Variants in PPARGC1B observed in about 807,000 individuals in gnomAD.
PPARGC1B encodes PPARG coactivator 1 beta.
A neutral mutation model predicts 101.6 loss-of-function variants in PPARGC1B; 34 were observed. That is an observed-to-expected ratio of 0.33 (90% CI 0.25 to 0.45). The LOEUF (loss-of-function observed/expected upper bound fraction) is 0.45, where lower values mean the gene tolerates loss of function less well. Among genes scored for constraint, PPARGC1B ranks in the 20% least tolerant of loss-of-function variants. The pLI, the probability that PPARGC1B is intolerant of heterozygous loss-of-function variation, is 1.00. For missense variants in PPARGC1B, 1,234 were observed against 1,317.6 expected, an observed-to-expected ratio of 0.94 and a Z score of 0.98; for synonymous variants, 548 against 539.3, an observed-to-expected ratio of 1.02 and a Z score of -0.22.
intron 2 of PPARGC1B, among the ~76,000 whole-genome samples, chr5:149,822,769 GC>G (rs1758355116): frequency 6.6e-6 from 1 of 152,170 alleles, no homozygotes; most frequent in African/African-American, 2.4e-5. Context: ...ATCTCTGGGG[GC>G]CCTTGCACAT....
intron 1 of PPARGC1B, among the ~76,000 whole-genome samples, chr5:149,812,273 T>C (rs948100694): frequency 5.3e-5 from 8 of 152,348 alleles, no homozygotes; most frequent in African/African-American, 1.9e-4. Flanking sequence ...TGTCTACTTA[T>C]TTTGTCTGGA....
chr5:149,786,078 A>G (rs1239487419), intron 1 of PPARGC1B, among the ~76,000 whole-genome samples: 1 of 151,338 alleles, frequency 6.6e-6, no homozygotes, highest in African/African-American at 2.4e-5. Context: ...ATGTGCTACA[A>G]TGCCAGGCAG....
chr5:149,782,804 C>T (rs1028183522), intron 1 of PPARGC1B, among the ~76,000 whole-genome samples: 3 of 152,232 alleles, frequency 2.0e-5, no homozygotes, highest in Non-Finnish European at 4.4e-5. Flanking sequence ...GGGTCCTGCA[C>T]ATTAGCAGGT....
chr5:149,813,383 C>T (rs562488091), intron 1 of PPARGC1B, among the ~76,000 whole-genome samples: 1 of 152,298 alleles, frequency 6.6e-6, no homozygotes, highest in Non-Finnish European at 1.5e-5. Context: ...CCAGACTCCC[C>T]ACCATCCCAG....
Position 149,845,976 on chromosome 5 carries a change from C to T in PPARGC1B, c.2971+62C>T, listed in dbSNP as rs944983363. ...TCAAAGCTTGGGAAGCAGTGCCTTC[C>T]TTGAACAAAACCCAGAGCTAAAGCG... On this transcript the variant is annotated intron_variant, in intron 11 of 11. Transcript: ENST00000309241. 3.1e-6 allele frequency: 5 copies of T among 1,603,776 alleles called. No individual in the cohort carries two copies. The Admixed American group carries it at 6.7e-5, about 21-fold the overall frequency.
chr5:149,818,886 A>G (rs763313195), intron 1 of PPARGC1B: 12 of 456,542 alleles, frequency 2.6e-5, no homozygotes, highest in Non-Finnish European at 4.4e-5. Flanking sequence ...TTTACAGATG[A>G]AGGGACTTGC....
intron 1 of PPARGC1B, among the ~76,000 whole-genome samples, chr5:149,782,355 C>A (rs1434765246): frequency 6.6e-6 from 1 of 152,188 alleles, no homozygotes; most frequent in African/African-American, 2.4e-5. Flanking sequence ...TACACATATA[C>A]AACCTTCCTT....
intron 1 of PPARGC1B, among the ~76,000 whole-genome samples, chr5:149,796,268 G>A (rs1454311263): frequency 6.6e-6 from 1 of 152,154 alleles, no homozygotes; most frequent in Non-Finnish European, 1.5e-5. Context: ...ACATCAGAAA[G>A]TAACCAGCCA....
At chr5:149,754,591 T>C (rs995025860) in intron 1 of PPARGC1B, among the ~76,000 whole-genome samples, 1 of 152,120 alleles carries the variant, frequency 6.6e-6, no homozygotes, top group South Asian at 2.1e-4. Context: ...AAGATTTTAC[T>C]TACCTTAAAC....
intron 9 of PPARGC1B, among the ~76,000 whole-genome samples, chr5:149,841,599 C>G (rs866017546): frequency 6.6e-6 from 1 of 152,210 alleles, no homozygotes; most frequent in Non-Finnish European, 1.5e-5. Context: ...TGCAGCTTCT[C>G]TCGCAGGTCA....
intron 1 of PPARGC1B, among the ~76,000 whole-genome samples, chr5:149,792,236 G>A (rs1275220471): frequency 1.3e-5 from 2 of 152,172 alleles, no homozygotes; most frequent in East Asian, 1.9e-4. Context: ...AGCTTGCATC[G>A]ATAGTCCCTC....
intron 1 of PPARGC1B, among the ~76,000 whole-genome samples, chr5:149,794,117 A>G (rs1230624163): frequency 6.6e-6 from 1 of 152,194 alleles, no homozygotes; most frequent in Admixed American, 6.5e-5. Flanking sequence ...GGCTCTTTAC[A>G]GAAGAAGTTG....
At chr5:149,735,360 T>C (rs1561844611) in intron 1 of PPARGC1B, among the ~76,000 whole-genome samples, 1 of 152,190 alleles carries the variant, frequency 6.6e-6, no homozygotes, top group Non-Finnish European at 1.5e-5. Flanking sequence ...GAAGTTCCAC[T>C]ATGCCACGTG....
chr5:149,844,816 A>G (rs1759490511), intron 10 of PPARGC1B, among the ~76,000 whole-genome samples: 1 of 152,218 alleles, frequency 6.6e-6, no homozygotes, highest in Admixed American at 6.5e-5. Context: ...ATAGCAGATG[A>G]TATGTCAGTC....
intron 1 of PPARGC1B, among the ~76,000 whole-genome samples, chr5:149,816,610 G>A (rs1012196622): frequency 9.2e-5 from 14 of 152,206 alleles, no homozygotes; most frequent in African/African-American, 1.9e-4. Context: ...TCAGAGCTGC[G>A]GGTTCCTGGC....
intron 1 of PPARGC1B, among the ~76,000 whole-genome samples, chr5:149,765,709 A>G (rs1360432708): frequency 6.6e-6 from 1 of 151,906 alleles, no homozygotes; most frequent in African/African-American, 2.4e-5. Context: ...AAAATACAAA[A>G]AATTAGCCAG....
intron 3 of PPARGC1B, among the ~76,000 whole-genome samples, chr5:149,827,289 A>G (rs1026431025): frequency 5.9e-5 from 9 of 152,200 alleles, no homozygotes; most frequent in Admixed American, 1.3e-4. Flanking sequence ...CCCAGAGGTA[A>G]CCATGGTTAC....
chr5:149,762,097 T>G (rs572973080), intron 1 of PPARGC1B, among the ~76,000 whole-genome samples: 3 of 151,364 alleles, frequency 2.0e-5, no homozygotes, highest in Admixed American at 2.0e-4. Flanking sequence ...ATGGGATAAG[T>G]GCAAGGGCAG....
intron 2 of PPARGC1B, among the ~76,000 whole-genome samples, chr5:149,823,734 A>G (rs1758394463): frequency 6.6e-6 from 1 of 152,180 alleles, no homozygotes; most frequent in African/African-American, 2.4e-5. Context: ...AGTCAGGCTC[A>G]GAGCTTCCTG....
Sources: gnomAD v4.1 joint callset for allele counts (sites outside exome capture counted in the v4.1 genomes callset) on GRCh38, gnomAD v4.1.1 for gene constraint, MANE v1.5 for transcripts, NCBI Gene and HGNC (gene_info 2026-07-23, HGNC 2026-07-21) for gene names.